The following DMD variants were observed in gnomAD, a reference collection of about 807,000 sequenced individuals.
DMD encodes dystrophin.
A neutral mutation model predicts 330.1 loss-of-function variants in DMD; 63 were observed. The ratio of observed to expected loss-of-function variants is 0.19; its 90% confidence interval spans 0.16 to 0.24. DMD has a LOEUF of 0.24. Among genes scored for constraint, DMD ranks in the 10% least tolerant of loss-of-function variants. The pLI, the probability that DMD is intolerant of heterozygous loss-of-function variation, is 1.00. For missense variants in DMD, 3,344 were observed against 2,684.1 expected (o/e 1.25, Z -5.43); for synonymous variants, 1,223 against 959.8 (o/e 1.27, Z -5.07).
chrX:33,305,058 C>T (rs2053734408), intron 1 of DMD, among the ~76,000 whole-genome samples: 1 of 109,985 alleles, frequency 9.1e-6, no homozygotes, highest in African/African-American at 3.3e-5. Flanking sequence ...ACAGCCATCC[C>T]ATTACTGGGT....
In DMD at chrX:32,463,431, G is replaced by T. The variant is rs781003275; in HGVS notation, c.3432+8C>A. 45 of 1,200,665 alleles carry T rather than the reference G, an allele frequency of 3.7e-5. No homozygotes were observed. The Admixed American group carries it at 7.8e-4, about 21-fold the overall frequency. ...GAGGCAAGCCACAGTGAAAGAGATT[G>T]TCTATACCTGTTGGCACATGTGATC... On this transcript the variant is annotated splice_region_variant and intron_variant, in intron 25 of 78. Coordinates refer to ENST00000357033, the MANE Select transcript of DMD (RefSeq NM_004006.3).
chrX:32,156,249 G>A (rs938961692), intron 44 of DMD, among the ~76,000 whole-genome samples: 27 of 111,426 alleles, frequency 2.4e-4, no homozygotes, highest in Admixed American at 1.0e-3. Flanking sequence ...GCATGGTGAC[G>A]CACACCTGTA....
chrX:32,212,046 C>T (rs180926232), intron 44 of DMD, among the ~76,000 whole-genome samples: 5 of 111,990 alleles, frequency 4.5e-5, no homozygotes. Context: ...CACACAAATT[C>T]ACCCTGTCAA....
chrX:31,139,472 TATAC>T (rs1555988916), intron 76 of DMD, among the ~76,000 whole-genome samples: 32 of 83,478 alleles, frequency 3.8e-4, no homozygotes, highest in Admixed American at 1.9e-3. Flanking sequence ...GTGGTGTTTA[TATAC>T]ACACACACAC....
chrX:32,352,476 T>C (rs926688884), intron 37 of DMD, among the ~76,000 whole-genome samples: 15 of 111,060 alleles, frequency 1.4e-4, no homozygotes, highest in Non-Finnish European at 1.9e-5. Context: ...TTTTACATTT[T>C]ATATTCTCTT....
At chrX:32,935,140 C>T (rs962413358) in intron 2 of DMD, among the ~76,000 whole-genome samples, 2 of 112,297 alleles carry the variant, frequency 1.8e-5, no homozygotes, top group African/African-American at 6.5e-5. Flanking sequence ...CACCACGCCC[C>T]GCTAATTTCT....
At chrX:32,983,745 T>A (rs1362240004) in intron 2 of DMD, among the ~76,000 whole-genome samples, 3 of 111,837 alleles carry the variant, frequency 2.7e-5, no homozygotes, top group African/African-American at 9.7e-5. Context: ...GTATCTACAA[T>A]TATCTCCATA....
At chrX:31,314,779 A>AGAGAGAGAGAGAGT (rs1225831523) in intron 62 of DMD, among the ~76,000 whole-genome samples, 3,607 of 93,356 alleles carry the variant, frequency 0.039, 106 homozygotes, top group East Asian at 0.11. Context: ...AGAGAGAGAG[A>AGAGAGAGAGAGAGT]GTGTTTTACC....
chrX:31,966,091 C>T (rs1275648540), intron 45 of DMD, among the ~76,000 whole-genome samples: 5 of 111,230 alleles, frequency 4.5e-5, no homozygotes, highest in African/African-American at 6.5e-5. Flanking sequence ...AAGTCCATTA[C>T]AAACGAAGAC....
At chrX:32,634,790 C>T (rs1209044812) in intron 11 of DMD, among the ~76,000 whole-genome samples, 2 of 111,818 alleles carry the variant, frequency 1.8e-5, no homozygotes, top group African/African-American at 3.3e-5. Context: ...GAGCTGTGAG[C>T]TGTGCTGCCT....
chrX:32,975,763 C>A (rs1295024703), intron 2 of DMD, among the ~76,000 whole-genome samples: 1 of 111,377 alleles, frequency 9.0e-6, no homozygotes, highest in African/African-American at 3.3e-5. Context: ...AGTTGACAAG[C>A]ATGAGAATGA....
intron 60 of DMD, among the ~76,000 whole-genome samples, chrX:31,412,515 C>T (rs2061692817): frequency 8.9e-6 from 1 of 111,923 alleles, no homozygotes; most frequent in Non-Finnish European, 1.9e-5. Flanking sequence ...TGGCACACGC[C>T]CTCTCTGTGC....
chrX:32,102,353 T>A (rs1163559323), intron 44 of DMD, among the ~76,000 whole-genome samples: 1 of 112,257 alleles, frequency 8.9e-6, no homozygotes, highest in Non-Finnish European at 1.9e-5. Flanking sequence ...AATGATTTCA[T>A]CTTTTGTAAT....
intron 11 of DMD, among the ~76,000 whole-genome samples, chrX:32,642,169 G>A (rs1343655490): frequency 2.7e-5 from 3 of 111,761 alleles, no homozygotes; most frequent in African/African-American, 9.7e-5. Context: ...AAGTGGCAAG[G>A]AAGACTGTTA....
intron 1 of DMD, among the ~76,000 whole-genome samples, chrX:33,062,631 T>C (rs2094595851): frequency 9.0e-6 from 1 of 111,519 alleles, no homozygotes. Context: ...CGTGCGCCAC[T>C]ACGCCTGGCT....
At chrX:33,048,451 A>C (rs1321423071) in intron 1 of DMD, among the ~76,000 whole-genome samples, 1 of 110,345 alleles carries the variant, frequency 9.1e-6, no homozygotes, top group Non-Finnish European at 1.9e-5. Flanking sequence ...GCACTTTGGG[A>C]GGCCGAGGCG....
At chrX:32,195,633 T>C (rs1264983478) in intron 44 of DMD, among the ~76,000 whole-genome samples, 3 of 112,564 alleles carry the variant, frequency 2.7e-5, no homozygotes, top group Non-Finnish European at 5.6e-5. Context: ...TGGGAAGAAA[T>C]GTGCTTATAA....
intron 60 of DMD, among the ~76,000 whole-genome samples, chrX:31,358,503 T>C (rs1461044997): frequency 8.9e-6 from 1 of 112,091 alleles, no homozygotes; most frequent in Non-Finnish European, 1.9e-5. Context: ...GTAATAAAAA[T>C]GCATATAGCC....
chrX:31,478,121 G>A lies in DMD; in HGVS notation c.8922C>T (p.His2974=). 2 of 1,210,752 alleles carry A rather than the reference G, an allele frequency of 1.7e-6. No homozygotes were observed. The highest frequency in any genetic ancestry group is 2.2e-6 in the Non-Finnish European group (2 of 895,177). Residue 2974 remains histidine, a synonymous_variant, in exon 59 of 79, where the codon CAC becomes CAT. Transcript: ENST00000357033. ...TAGACGGTACCTTGACTTTCTCGAG[G>A]TGATCTTGGAGAGAGTCAATGAGGA... is the stretch of plus-strand genomic sequence containing the variant. The part of the protein sequence containing the change: ...GDLLIDSLQD[H]LEKVKALRGE...
Sources: allele counts gnomAD v4.1 joint callset (sites outside exome capture counted in the v4.1 genomes callset), GRCh38; gene constraint gnomAD v4.1.1; transcripts MANE v1.5; gene names NCBI Gene and HGNC (gene_info 2026-07-23, HGNC 2026-07-21).